DENND5B: variants seen among roughly 807,000 people sequenced by gnomAD.
DENND5B encodes DENN domain containing 5B, also known as DENN domain-containing protein 5B.
Under a neutral mutation model 140.6 loss-of-function variants are expected in DENND5B, and 34 were observed. The ratio of observed to expected loss-of-function variants is 0.24; its 90% CI spans 0.18 to 0.32. The LOEUF is 0.32. Ranked by LOEUF, DENND5B falls within the 10% of genes least tolerant of loss-of-function variation. The pLI is 1.00. For synonymous variants in DENND5B, 551 were observed against 562.1 expected (o/e 0.98, Z 0.28); for missense variants, 1,142 against 1,560.2 (o/e 0.73, Z 4.52).
Position 31,385,190 on chromosome 12 carries a change from T to C in DENND5B, c.*2413A>G, listed in dbSNP as rs1167102456. ...CATCCTTATTTCCTACTTGTATAGG[T>C]GGATGAATAAAGATCCAATAGTATA... On this transcript the variant is annotated 3_prime_UTR_variant, in exon 21 of 21. Transcript: ENST00000389082. 1 of 152,202 alleles carries C rather than the reference T, an allele frequency of 6.6e-6. No individual in the cohort carries two copies. Among genetic ancestry groups the C allele is most frequent in the Admixed American group, 6.5e-5 (1 of 15,272 alleles). The allele number at this position is 152,202 out of a possible 1,614,324, so 9.4% of individuals were successfully genotyped here. A position where few individuals can be genotyped will look rare whatever the true frequency, so the allele number is the denominator to read the frequency against.
chr12:31,388,427 T>C (rs898898333), intron 20 of DENND5B, among the ~76,000 whole-genome samples: 2 of 152,144 alleles, frequency 1.3e-5, no homozygotes, highest in Admixed American at 6.6e-5. Flanking sequence ...GGGCTCCTTT[T>C]ATGAAGAAGA....
intron 2 of DENND5B, among the ~76,000 whole-genome samples, chr12:31,480,460 G>A (rs1004505883): frequency 6.6e-6 from 1 of 152,084 alleles, no homozygotes; most frequent in Admixed American, 6.6e-5. Flanking sequence ...GTATATACAA[G>A]GGAAAAACTT....
intron 3 of DENND5B, chr12:31,477,557 T>C (rs1417520174): frequency 6.5e-6 from 1 of 153,328 alleles, no homozygotes; most frequent in South Asian, 2.1e-4. Flanking sequence ...AACTACAGAC[T>C]GGGACAAAAG....
chr12:31,530,741 A>T (rs1341992033), intron 1 of DENND5B, among the ~76,000 whole-genome samples: 1 of 152,240 alleles, frequency 6.6e-6, no homozygotes, highest in African/African-American at 2.4e-5. Context: ...TAATGAAAAG[A>T]GTCTCCAAAG....
chr12:31,581,989 CTGTAT>C (rs1044366329), intron 1 of DENND5B, among the ~76,000 whole-genome samples: 5 of 152,164 alleles, frequency 3.3e-5, no homozygotes, highest in African/African-American at 1.2e-4. Flanking sequence ...GGTTGTTATG[CTGTAT>C]TGTTTAGGGA....
At chr12:31,455,572 C>T (rs1182965901) in intron 4 of DENND5B, among the ~76,000 whole-genome samples, 1 of 152,182 alleles carries the variant, frequency 6.6e-6, no homozygotes, top group Non-Finnish European at 1.5e-5. Context: ...TCACTTTTAA[C>T]ACCATTAAAT....
At chr12:31,530,529 T>C (rs958513931) in intron 1 of DENND5B, among the ~76,000 whole-genome samples, 2 of 152,222 alleles carry the variant, frequency 1.3e-5, no homozygotes, top group South Asian at 2.1e-4. Context: ...TATTCCAACA[T>C]AGTTTAAAAC....
chr12:31,400,058 AGT>A (rs775928945), intron 15 of DENND5B, among the ~76,000 whole-genome samples: 1 of 152,262 alleles, frequency 6.6e-6, no homozygotes, highest in Non-Finnish European at 1.5e-5. Flanking sequence ...GGGAAGGAAC[AGT>A]TACTTCTACT....
intron 3 of DENND5B, among the ~76,000 whole-genome samples, chr12:31,470,974 C>T (rs1200391288): frequency 6.6e-6 from 1 of 152,138 alleles, no homozygotes; most frequent in Non-Finnish European, 1.5e-5. Flanking sequence ...GATGAATCCA[C>T]CTCCCAGGGA....
At chr12:31,478,074 T>C (rs1486393152) in intron 3 of DENND5B, 1 of 152,694 alleles carries the variant, frequency 6.5e-6, no homozygotes, top group Non-Finnish European at 1.5e-5. Context: ...ATTTTAAATA[T>C]ATACATATAA....
At chr12:31,524,405 C>A (rs1386267489) in intron 1 of DENND5B, among the ~76,000 whole-genome samples, 9 of 152,198 alleles carry the variant, frequency 5.9e-5, no homozygotes, top group Admixed American at 5.9e-4. Context: ...GTAATCCCAG[C>A]ACTTTGGGAG....
intron 1 of DENND5B, among the ~76,000 whole-genome samples, chr12:31,538,782 T>G (rs867795540): frequency 6.6e-6 from 1 of 152,076 alleles, no homozygotes; most frequent in Non-Finnish European, 1.5e-5. Context: ...GGCAGGAGGA[T>G]AGCTTGAACC....
intron 1 of DENND5B, among the ~76,000 whole-genome samples, chr12:31,577,806 G>A (rs1950068829): frequency 1.3e-5 from 2 of 150,360 alleles, no homozygotes; most frequent in Admixed American, 1.3e-4. Flanking sequence ...CAGCACTTCA[G>A]TCTTCACAGC....
chr12:31,519,256 T>C (rs758500630), intron 1 of DENND5B, among the ~76,000 whole-genome samples: 2 of 152,244 alleles, frequency 1.3e-5, no homozygotes, highest in Non-Finnish European at 1.5e-5. Flanking sequence ...CCTTTGCTAC[T>C]CTCTGAACTT....
intron 1 of DENND5B, among the ~76,000 whole-genome samples, chr12:31,584,566 C>A (rs1950327792): frequency 6.6e-6 from 1 of 152,110 alleles, no homozygotes; most frequent in South Asian, 2.1e-4. Flanking sequence ...GTAATCCCAG[C>A]ACTTTGGGAG....
chr12:31,492,799 T>C (rs1247778807), intron 2 of DENND5B, among the ~76,000 whole-genome samples: 1 of 152,226 alleles, frequency 6.6e-6, no homozygotes, highest in Non-Finnish European at 1.5e-5. Context: ...CCAAGTCTTA[T>C]AAAGATAACT....
rs1824741504 is a variant in DENND5B at position 31,590,690 on chromosome 12, G to A, written c.127+16C>T. ...GCCCCTGAGGGGGCTCAGCGCCGCC[G>A]CAGCCCTGGCCTTACCCGCCAGCTC... is the stretch of plus-strand genomic sequence containing the variant. On this transcript the variant is annotated intron_variant, in intron 1 of 20. Transcript: ENST00000389082. The A allele has an allele frequency of 1.4e-6, 2 of 1,463,856 alleles. No individual in the cohort carries two copies. The highest frequency in any genetic ancestry group is 9.0e-7 in the Non-Finnish European group (1 of 1,112,706). The allele number at this position is 1,463,856 out of a possible 1,614,324, so 90.7% of individuals were successfully genotyped here.
Position 31,556,231 on chromosome 12 carries a change from G to A in DENND5B, c.127+34475C>T, listed in dbSNP as rs1206505957. 2.0e-5 allele frequency among the ~76,000 whole-genome samples: 3 copies of A among 151,982 alleles called. No individual in the cohort carries two copies. In the East Asian group the frequency reaches 5.8e-4, roughly 29 times the overall value. On this transcript the variant is annotated intron_variant, in intron 1 of 20. Transcript: ENST00000389082. ...CTTTTTTTTCTTTTTTTAAGATGCA[G>A]TCTCACTCTGTCACCCAGACTGGAG...
At chr12:31,514,072 C>A (rs1262945816) in intron 1 of DENND5B, among the ~76,000 whole-genome samples, 1 of 152,068 alleles carries the variant, frequency 6.6e-6, no homozygotes, top group Non-Finnish European at 1.5e-5. Context: ...TCTCAAACTC[C>A]TGAGCTCAAG....
Sources: allele counts gnomAD v4.1 joint callset (sites outside exome capture counted in the v4.1 genomes callset), GRCh38; gene constraint gnomAD v4.1.1; transcripts MANE v1.5; gene names NCBI Gene and HGNC (gene_info 2026-07-23, HGNC 2026-07-21).